Variants in CELF2 observed in about 807,000 individuals in gnomAD.
CELF2 encodes CUG triplet repeat RNA-binding protein 2.
Under a neutral mutation model 62.6 loss-of-function variants are expected in CELF2, and 8 were observed. The observed-to-expected ratio is 0.13, with a 90% confidence interval of 0.07 to 0.23. CELF2 has a LOEUF of 0.23. CELF2 is among the 10% of genes least tolerant of loss of function. CELF2 has a pLI of 1.00. For synonymous variants in CELF2, 258 were observed against 250.0 expected (o/e 1.03, Z -0.30); for missense variants, 333 against 671.0 (o/e 0.50, Z 5.56).
chr10:10,726,803 T>A, the CELF2 span, among the ~76,000 whole-genome samples: 1 of 152,232 alleles, frequency 6.6e-6, no homozygotes, highest in Non-Finnish European at 1.5e-5. Context: ...GTAAGTGTAT[T>A]AGTTTGTTCT....
chr10:11,212,737 G>GTTTTTTTTTT (rs11354880), intron 2 of CELF2, among the ~76,000 whole-genome samples: 1 of 91,966 alleles, frequency 1.1e-5, no homozygotes, highest in East Asian at 3.5e-4. Flanking sequence ...TGTGTTTTGG[G>GTTTTTTTTTT]TTTTTTTTTT....
Position 11,165,760 on chromosome 10 carries a change from T to A in CELF2, c.271+78T>A. 2 of 1,367,016 alleles carry A rather than the reference T, an allele frequency of 1.5e-6. 1 individual carries two copies. The highest frequency in any genetic ancestry group is 2.0e-6 in the Non-Finnish European group (2 of 1,011,654). The allele number at this position is 1,367,016 out of a possible 1,614,324, so 84.7% of individuals were successfully genotyped here. A position where few individuals can be genotyped will look rare whatever the true frequency, so the allele number is the denominator to read the frequency against. On this transcript the variant is annotated intron_variant, in intron 2 of 12. Coordinates refer to ENST00000633077, the MANE Select transcript of CELF2 (RefSeq NM_001326342.2). This position sits in a 1 kb window ranked among gnomAD's most constrained non-coding sequence, Gnocchi z 7.4. The stretch of plus-strand genomic sequence containing the variant: ...ACTGGGGCTGTCCGAGCCCCCAGCC[T>A]GCAGGAGGAAGGGCGGGTAGGCAGG...
At position 10,949,149 on chromosome 10, in the gene CELF2, T is replaced by A. The variant is rs933864301; in HGVS notation, c.89+29150T>A. Reference sequence around the variant, plus strand: ...CATGTGAAGTCTGACTTCCTGGAGTTTGAGGGGGTCCTCTATACATGTGTT... The same window carrying A: ...CATGTGAAGTCTGACTTCCTGGAGTATGAGGGGGTCCTCTATACATGTGTT... On this transcript the variant is annotated intron_variant, in intron 2 of 13. Transcript: ENST00000636488. Among the ~76,000 whole-genome samples, 5 of 152,256 alleles carry A rather than the reference T, an allele frequency of 3.3e-5. No homozygotes were observed. In the Middle Eastern group the frequency reaches 0.01, roughly 311 times the overall value.
intron 1 of CELF2, among the ~76,000 whole-genome samples, chr10:10,913,889 G>GGAA (rs1307955446): frequency 5.0e-4 from 53 of 105,822 alleles, no homozygotes; most frequent in African/African-American, 2.1e-3. Flanking sequence ...GAAGGAAGAA[G>GGAA]GAAGGGAGGG....
In CELF2 at chr10:11,011,737, G is replaced by A. The variant is rs1305495281; in HGVS notation, c.53+6297G>A. The stretch of plus-strand genomic sequence containing the variant: ...ATACCACTTTTTCCTAAAGGCTTTG[G>A]GTAGTTCTTTTAAGAGAAAGAAAAA... On this transcript the variant is annotated intron_variant, in intron 1 of 12. Transcript: ENST00000416382. This position sits in a 1 kb window ranked among gnomAD's most constrained non-coding sequence, Gnocchi z 4.6. 6.6e-6 allele frequency among the ~76,000 whole-genome samples: 1 copy of A among 151,768 alleles called. No homozygotes were observed. The highest frequency in any genetic ancestry group is 2.4e-5 in the African/African-American group (1 of 41,178).
At chr10:10,704,646 G>A in the CELF2 span, among the ~76,000 whole-genome samples, 94 of 152,212 alleles carry the variant, frequency 6.2e-4, no homozygotes, top group South Asian at 6.0e-3. Context: ...TCTAGGAGAC[G>A]CATTAGCTGG....
chr10:10,696,711 C>A, the CELF2 span, among the ~76,000 whole-genome samples: 1 of 152,126 alleles, frequency 6.6e-6, no homozygotes, highest in Admixed American at 6.5e-5. Flanking sequence ...CGTGGTGCGC[C>A]GTTTTTTAAG....
At chr10:10,851,102 G>A (rs1015871904) in intron 1 of CELF2, among the ~76,000 whole-genome samples, 11 of 152,236 alleles carry the variant, frequency 7.2e-5, no homozygotes, top group African/African-American at 1.7e-4. Context: ...CACTGTGCCC[G>A]CCAAGAAACT....
chr10:11,002,799 C>T (rs1023380488), upstream of CELF2, among the ~76,000 whole-genome samples: 2 of 151,958 alleles, frequency 1.3e-5, no homozygotes, highest in South Asian at 2.1e-4. The surrounding 1 kb of genome is among the most constrained non-coding windows in gnomAD (Gnocchi z 4.4). Context: ...GAATAAGAAA[C>T]GTCAAGGTTA....
rs1295683060 is a variant in CELF2, at chr10:11,075,601, A to G, written c.74+57438A>G. Among the ~76,000 whole-genome samples the G allele has an allele frequency of 2.0e-5, 3 of 152,194 alleles. No homozygotes were observed. The highest frequency in any genetic ancestry group is 4.4e-5 in the Non-Finnish European group (3 of 68,032). On this transcript the variant is annotated intron_variant, in intron 1 of 12. Coordinates refer to ENST00000633077, the MANE Select transcript of CELF2 (RefSeq NM_001326342.2). The surrounding 1 kb of genome is among the most constrained non-coding windows in gnomAD (Gnocchi z 5.4). The stretch of plus-strand genomic sequence containing the variant: ...GTGGATTATTGCTGTGAACATACGT[A>G]TGGACTTAAATGTCCAGGGTCTACA...
intron 1 of CELF2, among the ~76,000 whole-genome samples, chr10:10,842,619 C>G (rs978353795): frequency 1.3e-5 from 2 of 151,880 alleles, no homozygotes; most frequent in African/African-American, 4.8e-5. Flanking sequence ...GTCAAACCAG[C>G]CTTGCATACT....
upstream of CELF2, among the ~76,000 whole-genome samples, chr10:10,797,656 T>C (rs1266583109): frequency 1.3e-5 from 2 of 152,308 alleles, no homozygotes; most frequent in South Asian, 2.1e-4. Context: ...TGGCCAGCCA[T>C]GGTCCGGAAG....
intron 1 of CELF2, among the ~76,000 whole-genome samples, chr10:10,835,770 T>G (rs2058238879): frequency 6.6e-6 from 1 of 152,192 alleles, no homozygotes; most frequent in Non-Finnish European, 1.5e-5. Context: ...GCATAGTTTA[T>G]CCCTCTGGAT....
the CELF2 span, among the ~76,000 whole-genome samples, chr10:10,517,070 AT>A: frequency 3.9e-5 from 6 of 152,212 alleles, no homozygotes; most frequent in African/African-American, 7.2e-5. Flanking sequence ...AATTTATTGA[AT>A]TTTTCCCGTG....
chr10:11,134,913 C>T (rs2060193876), intron 1 of CELF2, among the ~76,000 whole-genome samples: 1 of 152,214 alleles, frequency 6.6e-6, no homozygotes, highest in Admixed American at 6.5e-5. Flanking sequence ...ATTGAAATAG[C>T]TGTGGCCGCT....
At chr10:11,113,480 T>C (rs928941817) in intron 1 of CELF2, among the ~76,000 whole-genome samples, 1 of 152,168 alleles carries the variant, frequency 6.6e-6, no homozygotes, top group African/African-American at 2.4e-5. Context: ...AAAGGGACGA[T>C]AAAATATGAT....
chr10:10,712,660 T>C, the CELF2 span, among the ~76,000 whole-genome samples: 1 of 152,206 alleles, frequency 6.6e-6, no homozygotes, highest in Non-Finnish European at 1.5e-5. Context: ...CTGAAATGGG[T>C]ATTTCAAACT....
intron 1 of CELF2, among the ~76,000 whole-genome samples, chr10:11,151,769 G>A (rs1000249394): frequency 1.3e-5 from 2 of 152,238 alleles, no homozygotes; most frequent in South Asian, 2.1e-4. Context: ...AAAAAAATAA[G>A]TAGATAAGGG....
At chr10:11,222,325 A>G (rs75206562) in intron 3 of CELF2, among the ~76,000 whole-genome samples, 9,374 of 152,194 alleles carry the variant, frequency 0.062, 404 homozygotes, top group African/African-American at 0.12. Context: ...TGTCATCATC[A>G]TTATTATTTT....
Sources: allele counts gnomAD v4.1 joint callset (sites outside exome capture counted in the v4.1 genomes callset), GRCh38; gene constraint gnomAD v4.1.1; non-coding constraint Gnocchi (gnomAD v3.1); transcripts MANE v1.5; gene names NCBI Gene and HGNC (gene_info 2026-07-23, HGNC 2026-07-21).